KCNN3: variants seen among roughly 807,000 people sequenced by gnomAD.
KCNN3 encodes the protein small conductance calcium-activated potassium channel protein 3.
A neutral mutation model predicts 62.9 loss-of-function variants in KCNN3; 16 were observed. The observed-to-expected ratio is 0.25, with a 90% CI of 0.17 to 0.39. The LOEUF is 0.39. KCNN3 is among the 10% of genes least tolerant of loss of function. The pLI is 1.00. For synonymous variants in KCNN3, 370 were observed against 389.2 expected, an observed-to-expected ratio of 0.95 and a Z score of 0.58; for missense variants, 599 against 949.4, an observed-to-expected ratio of 0.63 and a Z score of 4.85.
chr1:154,847,453 G>A (rs1213405978), intron 1 of KCNN3, among the ~76,000 whole-genome samples: 1 of 152,220 alleles, frequency 6.6e-6, no homozygotes, highest in Non-Finnish European at 1.5e-5. Flanking sequence ...CCAGAGGCTG[G>A]GCTGGCCATG....
intron 2 of KCNN3, among the ~76,000 whole-genome samples, chr1:154,817,439 C>T (rs922666598): frequency 6.6e-6 from 1 of 152,186 alleles, no homozygotes; most frequent in African/African-American, 2.4e-5. Context: ...CTGGGTTAAT[C>T]GGAAGTCAAT....
rs542404972 is a variant in KCNN3 at position 154,849,494 on chromosome 1, C to T, written c.933+19538G>A. ...CCGGGTTCCCACTCAGTCCACACCACAGCCCCATTACTGTGTAGACACCAC... is the reference window on the plus strand; with the variant it reads ...CCGGGTTCCCACTCAGTCCACACCATAGCCCCATTACTGTGTAGACACCAC... On this transcript the variant is annotated intron_variant, in intron 1 of 7. Transcript: ENST00000271915. 3.3e-5 allele frequency among the ~76,000 whole-genome samples: 5 copies of T among 152,320 alleles called. No individual in the cohort carries two copies. In the South Asian group the frequency reaches 8.3e-4, roughly 25 times the overall value.
rs1699883677 is a variant in KCNN3 at position 154,702,759 on chromosome 1, T to A, written c.*5217A>T. On this transcript the variant is annotated 3_prime_UTR_variant, in exon 8 of 8. Transcript: ENST00000271915. The stretch of plus-strand genomic sequence containing the variant: ...TATATATATATATATGTACTTTTTC[T>A]TTTTGGCTATAAATGTCAACATCTC... 7.0e-6 allele frequency: 1 copy of A among 143,852 alleles called. No individual in the cohort carries two copies. The highest frequency in any genetic ancestry group is 1.5e-5 in the Non-Finnish European group (1 of 65,910). The allele number at this position is 143,852 out of a possible 1,614,324, so 8.9% of individuals were successfully genotyped here.
rs141298585 is a variant in KCNN3, at chr1:154,762,658, G to C, written c.1448+9317C>G. Among the ~76,000 whole-genome samples the C allele has an allele frequency of 1.4e-3, 213 of 152,286 alleles. 1 individual carries two copies. Among genetic ancestry groups the C allele is most frequent in the Non-Finnish European group, 2.7e-3 (182 of 68,016 alleles). ...GAGGGACTGAAATCTAAAATTGTGT[G>C]TATGATGTAATCAAACACACCAGTT... On this transcript the variant is annotated intron_variant, in intron 3 of 7. Transcript: ENST00000271915.
intron 2 of KCNN3, among the ~76,000 whole-genome samples, chr1:154,776,362 A>G (rs972823343): frequency 6.6e-6 from 1 of 151,966 alleles, no homozygotes; most frequent in African/African-American, 2.4e-5. Context: ...TGCTCTAAAA[A>G]TGTGAGGGAT....
chr1:154,805,073 C>T (rs917612144), intron 2 of KCNN3, among the ~76,000 whole-genome samples: 2 of 152,190 alleles, frequency 1.3e-5, no homozygotes, highest in Non-Finnish European at 2.9e-5. Context: ...AGAGAATATG[C>T]CCCATTTCCC....
At chr1:154,848,840 C>T (rs2101920574) in intron 1 of KCNN3, among the ~76,000 whole-genome samples, 1 of 152,322 alleles carries the variant, frequency 6.6e-6, no homozygotes, top group African/African-American at 2.4e-5. Context: ...CTCTCTACCG[C>T]ACTTAGCACA....
chr1:154,836,341 G>A (rs1651583526), intron 1 of KCNN3, among the ~76,000 whole-genome samples: 1 of 152,162 alleles, frequency 6.6e-6, no homozygotes, highest in South Asian at 2.1e-4. Flanking sequence ...GCCTTAATTT[G>A]GGCTCCTGCC....
intron 1 of KCNN3, among the ~76,000 whole-genome samples, chr1:154,840,591 A>G (rs543216184): frequency 1.1e-4 from 17 of 152,324 alleles, no homozygotes; most frequent in Non-Finnish European, 1.8e-4. Context: ...CTGCAGAGAC[A>G]AAGAGTCCTC....
At chr1:154,776,096 C>A (rs551646993) in intron 2 of KCNN3, among the ~76,000 whole-genome samples, 1 of 152,308 alleles carries the variant, frequency 6.6e-6, no homozygotes, top group East Asian at 1.9e-4. Flanking sequence ...TCTCAGGTGC[C>A]CCGCCTTGGT....
At chr1:154,742,934 C>T (rs913843231) in intron 3 of KCNN3, among the ~76,000 whole-genome samples, 40 of 152,184 alleles carry the variant, frequency 2.6e-4, no homozygotes, top group African/African-American at 9.7e-4. Context: ...GAAACTCCTC[C>T]CAGCTTCTCC....
At chr1:154,751,924 T>G (rs940229985) in intron 3 of KCNN3, among the ~76,000 whole-genome samples, 2 of 151,800 alleles carry the variant, frequency 1.3e-5, no homozygotes, top group African/African-American at 4.8e-5. Flanking sequence ...AATGATGGAG[T>G]TGAGCAACCA....
At chr1:154,739,663 G>C (rs944695575) in intron 3 of KCNN3, among the ~76,000 whole-genome samples, 1 of 152,156 alleles carries the variant, frequency 6.6e-6, no homozygotes, top group African/African-American at 2.4e-5. Context: ...CTAACACATA[G>C]AGTATGGCAG....
chr1:154,711,275 T>C (rs970017369), intron 7 of KCNN3, among the ~76,000 whole-genome samples: 3 of 135,506 alleles, frequency 2.2e-5, no homozygotes, highest in East Asian at 2.2e-4. Context: ...TTCTCACTCA[T>C]AGGTGGGAAT....
rs1451212820 is a variant in KCNN3 at position 154,702,702 on chromosome 1, TATATATATATATATATATA to T, written c.*5255_*5273del. ...GTTGGCTGCTTCGATCTGATTCAGA[TATATATATATATATATATA>T]TATATATATATATATATATATATAT... On this transcript the variant is annotated 3_prime_UTR_variant, in exon 8 of 8. Transcript: ENST00000271915. 2 of 2,090 alleles carry T rather than the reference TATATATATATATATATATA, an allele frequency of 9.6e-4. No individual in the cohort carries two copies. Among genetic ancestry groups the T allele is most frequent in the African/African-American group, 2.3e-3 (2 of 862 alleles). 0.1% of individuals were successfully genotyped at this position (2,090 alleles called of 1,614,324 possible).
intron 1 of KCNN3, among the ~76,000 whole-genome samples, chr1:154,824,119 A>T (rs1651013065): frequency 6.6e-6 from 1 of 152,226 alleles, no homozygotes; most frequent in African/African-American, 2.4e-5. Context: ...GATTCTATAT[A>T]TACAGTGATA....
intron 2 of KCNN3, among the ~76,000 whole-genome samples, chr1:154,805,146 G>T (rs116895349): frequency 6.6e-6 from 1 of 152,138 alleles, no homozygotes; most frequent in Admixed American, 6.5e-5. Flanking sequence ...CGAGTGAGGC[G>T]GTGAAGAGGA....
intron 3 of KCNN3, among the ~76,000 whole-genome samples, chr1:154,748,890 C>T (rs970778677): frequency 2.0e-5 from 3 of 152,198 alleles, no homozygotes; most frequent in Admixed American, 6.5e-5. Flanking sequence ...TGATTAATTA[C>T]TAGATTAGGA....
chr1:154,754,943 G>A (rs1005217222), intron 3 of KCNN3, among the ~76,000 whole-genome samples: 1 of 152,174 alleles, frequency 6.6e-6, no homozygotes, highest in Non-Finnish European at 1.5e-5. Context: ...GATTTGATGC[G>A]TGGGACATCA....
Sources: gnomAD v4.1 joint callset for allele counts (sites outside exome capture counted in the v4.1 genomes callset) on GRCh38, gnomAD v4.1.1 for gene constraint, MANE v1.5 for transcripts, NCBI Gene and HGNC (gene_info 2026-07-23, HGNC 2026-07-21) for gene names.